Variants in PTPRD observed in about 807,000 individuals in gnomAD.
The protein encoded by PTPRD is receptor-type tyrosine-protein phosphatase delta.
Under a neutral mutation model 214.5 loss-of-function variants are expected in PTPRD, and 34 were observed. The ratio of observed to expected loss-of-function variants is 0.16; its 90% CI spans 0.12 to 0.21. The LOEUF (loss-of-function observed/expected upper bound fraction) is 0.21, where lower values mean the gene tolerates loss of function less well. PTPRD is among the 10% of genes least tolerant of loss of function. PTPRD has a pLI of 1.00. For missense variants in PTPRD, 2,545 were observed against 2,398.7 expected (o/e 1.06, Z -1.27); for synonymous variants, 1,128 against 845.7 (o/e 1.33, Z -5.79).
intron 11 of PTPRD, among the ~76,000 whole-genome samples, chr9:8,870,324 A>G (rs1199565262): frequency 6.6e-6 from 1 of 152,112 alleles, no homozygotes; most frequent in Non-Finnish European, 1.5e-5. Flanking sequence ...GGAGGAGACA[A>G]TGTTGTTTTA....
chr9:9,680,643 T>C (rs142464679), intron 7 of PTPRD, among the ~76,000 whole-genome samples: 187 of 151,882 alleles, frequency 1.2e-3, no homozygotes, highest in African/African-American at 4.1e-3. Flanking sequence ...CACCTACTAC[T>C]AAAATATAGC....
chr9:10,149,229 T>G (rs1310934837), intron 3 of PTPRD, among the ~76,000 whole-genome samples: 1 of 152,146 alleles, frequency 6.6e-6, no homozygotes, highest in Non-Finnish European at 1.5e-5. Context: ...GCAACACAAG[T>G]TTTGTCACTT....
chr9:8,654,535 G>A (rs562260745), intron 12 of PTPRD, among the ~76,000 whole-genome samples: 1 of 152,090 alleles, frequency 6.6e-6, no homozygotes, highest in Non-Finnish European at 1.5e-5. Flanking sequence ...TATGAATTAG[G>A]CACCTACTTA....
rs1032127650 is a variant in PTPRD at position 10,433,858 on chromosome 9, A to C, written c.-599-92841T>G. ...CTTTATAAAGTGAATAAAGGAATCT[A>C]TAGGTTCTTTTAGTCTCACAATTGA... On this transcript the variant is annotated intron_variant, in intron 2 of 45. Coordinates refer to ENST00000381196, the MANE Select transcript of PTPRD (RefSeq NM_002839.4). Among the ~76,000 whole-genome samples, 3 of 151,872 alleles carry C rather than the reference A, an allele frequency of 2.0e-5. 1 individual carries two copies. The highest frequency in any genetic ancestry group is 7.2e-5 in the African/African-American group (3 of 41,418).
At chr9:8,597,767 G>T (rs976652706) in intron 14 of PTPRD, among the ~76,000 whole-genome samples, 1 of 151,996 alleles carries the variant, frequency 6.6e-6, no homozygotes, top group African/African-American at 2.4e-5. Context: ...TATGTGGCTT[G>T]GCATTCATAC....
chr9:8,724,739 G>C (rs1033657681), intron 12 of PTPRD, among the ~76,000 whole-genome samples: 3 of 151,694 alleles, frequency 2.0e-5, no homozygotes, highest in Non-Finnish European at 4.4e-5. Context: ...TCTGAGACCA[G>C]CCTGGGCAAC....
chr9:8,418,225 T>TA (rs1491455254), intron 35 of PTPRD, among the ~76,000 whole-genome samples: 4 of 148,286 alleles, frequency 2.7e-5, no homozygotes, highest in Admixed American at 1.4e-4. Context: ...TATCCTTTTC[T>TA]TTTTTTTTTG....
intron 14 of PTPRD, among the ~76,000 whole-genome samples, chr9:8,571,863 A>T (rs1318308877): frequency 1.3e-5 from 2 of 152,110 alleles, no homozygotes; most frequent in Non-Finnish European, 2.9e-5. Context: ...CATCAACATG[A>T]AGCCAAAACT....
intron 11 of PTPRD, among the ~76,000 whole-genome samples, chr9:8,975,620 GAGTA>G (rs1000875094): frequency 9.9e-5 from 15 of 151,878 alleles, no homozygotes; most frequent in African/African-American, 3.6e-4. Flanking sequence ...ATTGAACTAT[GAGTA>G]AGCCTCATAA....
At chr9:10,145,450 A>G (rs1394024351) in intron 3 of PTPRD, among the ~76,000 whole-genome samples, 4 of 152,146 alleles carry the variant, frequency 2.6e-5, no homozygotes, top group Non-Finnish European at 4.4e-5. Context: ...CCACTTAATA[A>G]ATTGTAAACG....
chr9:9,435,182 A>G (rs774348318), intron 8 of PTPRD, among the ~76,000 whole-genome samples: 9 of 152,006 alleles, frequency 5.9e-5, no homozygotes, highest in Non-Finnish European at 1.2e-4. Flanking sequence ...CCAAACAAGA[A>G]TTGCTAGTAA....
chr9:8,940,288 T>TTTTTG lies in PTPRD; in HGVS notation c.-104+78408_-104+78409insCAAAA, dbSNP rs1332282716. 1.9e-3 allele frequency among the ~76,000 whole-genome samples: 242 copies of TTTTTG among 125,782 alleles called. 21 individuals are homozygous for TTTTTG. The highest frequency in any genetic ancestry group is 4.1e-4 in the Non-Finnish European group (24 of 59,030). 82.5% of individuals were successfully genotyped at this position (125,782 alleles called of 152,430 possible). A position where few individuals can be genotyped will look rare whatever the true frequency, so the allele number is the denominator to read the frequency against. ...CTCTCTCTCTCTCTCTCCTTTTTTT[T>TTTTTG]TTTTTTTTTTTTGAGATGGAGTCTT... On this transcript the variant is annotated intron_variant, in intron 11 of 45. Transcript: ENST00000381196.
At chr9:8,672,227 G>C (rs1355183518) in intron 12 of PTPRD, among the ~76,000 whole-genome samples, 2 of 152,088 alleles carry the variant, frequency 1.3e-5, no homozygotes, top group Admixed American at 6.5e-5. Flanking sequence ...TCTTCGCTGA[G>C]ACGTGAAAAT....
intron 8 of PTPRD, among the ~76,000 whole-genome samples, chr9:9,511,453 A>G (rs2096706879): frequency 6.6e-6 from 1 of 151,756 alleles, no homozygotes; most frequent in African/African-American, 2.4e-5. Flanking sequence ...CATGTAATAA[A>G]TATCTAGGCT....
At chr9:8,526,945 T>G (rs1193489981) in intron 16 of PTPRD, among the ~76,000 whole-genome samples, 2 of 149,598 alleles carry the variant, frequency 1.3e-5, no homozygotes, top group African/African-American at 4.9e-5. Context: ...ATATCTTATA[T>G]GCCTCATATC....
At chr9:8,688,338 G>A (rs139246802) in intron 12 of PTPRD, among the ~76,000 whole-genome samples, 22 of 152,106 alleles carry the variant, frequency 1.4e-4, no homozygotes, top group Admixed American at 2.6e-4. Context: ...AGGCCAAGGC[G>A]GGCGGATCAC....
intron 11 of PTPRD, among the ~76,000 whole-genome samples, chr9:8,881,252 T>G (rs1035165357): frequency 2.6e-5 from 4 of 152,240 alleles, no homozygotes; most frequent in African/African-American, 9.6e-5. Flanking sequence ...ACAGATATTA[T>G]TCCTAAAAAG....
chr9:9,879,405 C>T (rs1830938858), intron 5 of PTPRD, among the ~76,000 whole-genome samples: 1 of 152,176 alleles, frequency 6.6e-6, no homozygotes, highest in South Asian at 2.1e-4. Context: ...GGCAACCTCC[C>T]TCCCCCAGTG....
chr9:10,271,528 T>C (rs1483906551), intron 3 of PTPRD, among the ~76,000 whole-genome samples: 1 of 130,806 alleles, frequency 7.6e-6, no homozygotes, highest in Non-Finnish European at 1.6e-5. Context: ...ATAAATTCAA[T>C]TGTTTCTTTT....
Sources: allele counts gnomAD v4.1 joint callset (sites outside exome capture counted in the v4.1 genomes callset), GRCh38; gene constraint gnomAD v4.1.1; transcripts MANE v1.5; gene names NCBI Gene and HGNC (gene_info 2026-07-23, HGNC 2026-07-21).